SERPINB3: variants seen among roughly 807,000 people sequenced by gnomAD.
The protein encoded by SERPINB3 is serpin B3.
In SERPINB3, 33 loss-of-function variants were observed where a neutral mutation model predicts 33.0. That is an observed-to-expected ratio of 1.00 (90% confidence interval 0.76 to 1.34). The LOEUF (loss-of-function observed/expected upper bound fraction) is 1.34, where lower values mean the gene tolerates loss of function less well. Among genes scored for constraint, SERPINB3 ranks in the 40% most tolerant of loss-of-function variants. The pLI is 0.00. For synonymous variants in SERPINB3, 200 were observed against 170.9 expected (o/e 1.17, Z -1.33); for missense variants, 518 against 461.5 (o/e 1.12, Z -1.12).
In SERPINB3 at chr18:63,655,769, G is replaced by A; in HGVS notation, c.1061C>T (p.Ser354Leu). Residue 354 changes from serine to leucine, a missense_variant, in exon 8 of 8, where the codon TCA (serine) becomes TTA (leucine). By Grantham distance (145) the Ser-to-Leu change is moderately radical. Coordinates refer to ENST00000283752, the MANE Select transcript of SERPINB3 (RefSeq NM_006919.3). Reference sequence around the variant, plus strand: ...CTCTTCATTAGTTGAAGTAGGTGATGATCCGAATCCTACTACAGCGGTGGC... The same window carrying A: ...CTCTTCATTAGTTGAAGTAGGTGATAATCCGAATCCTACTACAGCGGTGGC... Reference protein sequence around the residue: ...AAATAVVGFGSSPTSTNEEFH... With the variant: ...AAATAVVGFGLSPTSTNEEFH... 6.2e-7 allele frequency: 1 copy of A among 1,611,874 alleles called. No individual in the cohort carries two copies. Among genetic ancestry groups the A allele is most frequent in the South Asian group, 1.1e-5 (1 of 91,076 alleles).
rs1913633387 is a variant in SERPINB3 at position 63,661,124 on chromosome 18, AGG to A, written c.91_92del (p.Pro31TyrfsTer23). On this transcript the variant is annotated frameshift_variant, in exon 2 of 8. Transcript: ENST00000283752. LOFTEE classifies it high-confidence loss of function. Reference sequence around the variant, plus strand: ...TCCCTAATGCTGATGTGATGCTGATAGGGGAATAGAAGATGTTGTTCTCTTTT... The same window carrying A: ...TCCCTAATGCTGATGTGATGCTGATAGGAATAGAAGATGTTGTTCTCTTTT... ...KSKENNIFYSPISITSALGMV... is the reference protein window; with the variant it reads ...KSKENNIFYSXISITSALGMV... 1 of 1,613,692 alleles carries A rather than the reference AGG, an allele frequency of 6.2e-7. No homozygotes were observed. The highest frequency in any genetic ancestry group is 1.3e-5 in the African/African-American group (1 of 75,018).
chr18:63,660,555 G>A (rs1913614185), intron 3 of SERPINB3, among the ~76,000 whole-genome samples: 1 of 152,126 alleles, frequency 6.6e-6, no homozygotes, highest in Non-Finnish European at 1.5e-5. Flanking sequence ...CAAAGCTGGA[G>A]TCTGAACCTA....
intron 5 of SERPINB3, among the ~76,000 whole-genome samples, chr18:63,658,049 T>G (rs1286981532): frequency 6.6e-6 from 1 of 152,054 alleles, no homozygotes; most frequent in Non-Finnish European, 1.5e-5. Flanking sequence ...CCTGCAGAAC[T>G]TGTGGCTAGA....
chr18:63,659,384 G>C lies in SERPINB3; in HGVS notation c.351+15C>G. 1 of 1,474,028 alleles carries C rather than the reference G, an allele frequency of 6.8e-7. No individual in the cohort carries two copies. Among genetic ancestry groups the C allele is most frequent in the Non-Finnish European group, 8.9e-7 (1 of 1,117,612 alleles). The allele number at this position is 1,474,028 out of a possible 1,614,324, so 91.3% of individuals were successfully genotyped here. A position where few individuals can be genotyped will look rare whatever the true frequency, so the allele number is the denominator to read the frequency against. On this transcript the variant is annotated intron_variant, in intron 4 of 7. Transcript: ENST00000283752. ...CAGGATGCAAATGAAATGTGGGTAG[G>C]CCAGGTGAAATTACCTGTAAAAATA... is the stretch of plus-strand genomic sequence containing the variant.
At chr18:63,659,343 T>G in intron 4 of SERPINB3, 56 bp downstream of exon 4, 1 of 1,585,240 alleles carries the variant, frequency 6.3e-7, no homozygotes, top group Non-Finnish European at 8.7e-7. Context: ...ATTTGGCCAC[T>G]CAGAGACACA....
rs375483524 is a variant in SERPINB3, at chr18:63,659,557, A to T, written c.223-30T>A. On this transcript the variant is annotated intron_variant, in intron 3 of 7. Transcript: ENST00000283752. ...AAACATCAAAAAAGGAGATCATTCA[A>T]TTGCTGTATCAATGTAAATACTAAA... 188 of 1,613,080 alleles carry T rather than the reference A, an allele frequency of 1.2e-4. 1 individual carries two copies. Among genetic ancestry groups the T allele is most frequent in the Non-Finnish European group, 1.6e-4 (185 of 1,179,460 alleles).
rs1383083120 is a variant in SERPINB3 at position 63,661,036 on chromosome 18, T to C, written c.165+16A>G. On this transcript the variant is annotated intron_variant, in intron 2 of 7. Coordinates refer to ENST00000283752, the MANE Select transcript of SERPINB3 (RefSeq NM_006919.3). The stretch of plus-strand genomic sequence containing the variant: ...GAAAAACTGCAACAGGACAACATAA[T>C]GATGCTGATAGCTACCTTCTTAATC... The C allele has an allele frequency of 1.9e-6, 3 of 1,613,282 alleles. No homozygotes were observed. The highest frequency in any genetic ancestry group is 8.5e-7 in the Non-Finnish European group (1 of 1,179,588).
In SERPINB3 at chr18:63,661,135, A is replaced by C; in HGVS notation, c.82T>G (p.Phe28Val). 6.2e-7 allele frequency: 1 copy of C among 1,613,694 alleles called. No individual in the cohort carries two copies. The highest frequency in any genetic ancestry group is 1.1e-5 in the South Asian group (1 of 91,074). The change falls in exon 2 of 8, where the codon TTC becomes GTC. Residue 28 changes from phenylalanine to valine, a missense_variant. Phe to Val is a conservative substitution (Grantham distance 50). Transcript: ENST00000283752. ...GATGTGATGCTGATAGGGGAATAGAAGATGTTGTTCTCTTTTGATTTTCTG... is the reference window on the plus strand; with the variant it reads ...GATGTGATGCTGATAGGGGAATAGACGATGTTGTTCTCTTTTGATTTTCTG... ...QFRKSKENNI[F>V]YSPISITSAL...
chr18:63,658,743 C>T (rs1290664219), intron 4 of SERPINB3, 113 bp from the exon 5 acceptor site: 23 of 777,862 alleles, frequency 3.0e-5, no homozygotes, highest in Middle Eastern at 3.0e-4. Context: ...TGAATAGATG[C>T]AGTATCTCCT....
rs1598936980 is a variant in SERPINB3, at chr18:63,656,927, C to G, written c.672G>C (p.Leu224=). 6.2e-7 allele frequency: 1 copy of G among 1,613,356 alleles called. No homozygotes were observed. Among genetic ancestry groups the G allele is most frequent in the African/African-American group, 1.3e-5 (1 of 75,024 alleles). ...RQYTSFHFAS[L]EDVQAKVLEI... ...CCAGGACCTTGGCCTGTACATCCTC[C>G]AGCGAGGCAAAATGAAAAGATGTGT... is the stretch of plus-strand genomic sequence containing the variant. The change falls in exon 7 of 8, where the codon CTG becomes CTC. Residue 224 remains leucine (L), a synonymous_variant. Coordinates refer to ENST00000283752, the MANE Select transcript of SERPINB3 (RefSeq NM_006919.3).
chr18:63,659,627 C>T (rs937845351), intron 3 of SERPINB3, 100 bp from the exon 4 acceptor site: 69 of 1,504,446 alleles, frequency 4.6e-5, no homozygotes, highest in Non-Finnish European at 6.3e-5. Flanking sequence ...CTGGTAGTCT[C>T]AATGAGGACC....
rs1354170873 is a variant in SERPINB3, at chr18:63,661,840, T to C, written c.-27+6A>G. The stretch of plus-strand genomic sequence containing the variant: ...TTATTAAGCTGGAGAGGCTTGAAGC[T>C]CTTACCTGTGTTCCTAGAGGAAGCA... On this transcript the variant is annotated splice_donor_region_variant and intron_variant, in intron 1 of 7. Coordinates refer to ENST00000283752, the MANE Select transcript of SERPINB3 (RefSeq NM_006919.3). The C allele has an allele frequency of 6.6e-6, 1 of 152,592 alleles. No individual in the cohort carries two copies. Among genetic ancestry groups the C allele is most frequent in the Non-Finnish European group, 1.5e-5 (1 of 68,160 alleles). The allele number at this position is 152,592 out of a possible 1,614,324, so 9.5% of individuals were successfully genotyped here.
At chr18:63,660,603 G>A (rs1913615745) in intron 3 of SERPINB3, 197 bp downstream of exon 3, 1 of 668,480 alleles carries the variant, frequency 1.5e-6, no homozygotes, top group South Asian at 1.9e-5. Flanking sequence ...GAGGTACAGT[G>A]CTGACTGTCT....
chr18:63,660,096 A>G (rs1403683193), intron 3 of SERPINB3, among the ~76,000 whole-genome samples: 1 of 152,156 alleles, frequency 6.6e-6, no homozygotes, highest in African/African-American at 2.4e-5. Flanking sequence ...AGTTCAATTC[A>G]GGTGAAAACA....
intron 2 of SERPINB3, 83 bp downstream of exon 2, chr18:63,660,969 A>G: frequency 6.2e-7 from 1 of 1,609,236 alleles, no homozygotes; most frequent in Admixed American, 1.7e-5. Flanking sequence ...CCATCAGACC[A>G]CCACATCTAT....
rs201726652 is a variant in SERPINB3 at position 63,656,793 on chromosome 18, A to C, written c.768+38T>G. 1.1e-5 allele frequency: 17 copies of C among 1,544,868 alleles called. No individual in the cohort carries two copies. The East Asian group carries it at 3.0e-4, about 27-fold the overall frequency. On this transcript the variant is annotated intron_variant, in intron 7 of 7. Transcript: ENST00000283752. ...AACTTGGTATCTTTGGAAAAATGTC[A>C]GGCAGTAGAAGGAAGAGTTGTAGAT... is the stretch of plus-strand genomic sequence containing the variant.
At position 63,655,455 on chromosome 18, in the gene SERPINB3, A is replaced by C. The variant is rs1214986778; in HGVS notation, c.*202T>G. On this transcript the variant is annotated 3_prime_UTR_variant, in exon 8 of 8. Coordinates refer to ENST00000283752, the MANE Select transcript of SERPINB3 (RefSeq NM_006919.3). The stretch of plus-strand genomic sequence containing the variant: ...CTCAAGGAGAATTTTTCTGGAAGAA[A>C]AAGTACATTTATATGTGGGCTTATT... 3.6e-6 allele frequency: 2 copies of C among 548,412 alleles called. No homozygotes were observed. Among genetic ancestry groups the C allele is most frequent in the Non-Finnish European group, 6.0e-6 (2 of 331,450 alleles). The allele number at this position is 548,412 out of a possible 1,614,324, so 34.0% of individuals were successfully genotyped here.
Position 63,655,791 on chromosome 18 carries a change from T to G in SERPINB3, c.1039A>C (p.Thr347Pro). 1 of 1,613,540 alleles carries G rather than the reference T, an allele frequency of 6.2e-7. No individual in the cohort carries two copies. The highest frequency in any genetic ancestry group is 8.5e-7 in the Non-Finnish European group (1 of 1,179,946). The stretch of plus-strand genomic sequence containing the variant: ...GATGATCCGAATCCTACTACAGCGG[T>G]GGCAGCTGCAGCTTCTGCTCCCTCC... ...TEEGAEAAAA[T>P]AVVGFGSSPT... Residue 347 changes from threonine (T) to proline (P), a missense_variant, in exon 8 of 8, where the codon ACC (threonine) becomes CCC (proline). Physicochemically the swap from Thr to Pro is conservative, Grantham distance 38. Transcript: ENST00000283752.
chr18:63,659,399 C>G lies in SERPINB3; in HGVS notation c.351G>C (p.Gln117His), dbSNP rs1426737256. 6.2e-7 allele frequency: 1 copy of G among 1,613,268 alleles called. No homozygotes were observed. The highest frequency in any genetic ancestry group is 1.7e-5 in the Admixed American group (1 of 59,940). The change falls in exon 4 of 8, where the codon CAG (glutamine) becomes CAC (histidine). Residue 117 changes from glutamine to histidine, a missense_variant and splice_region_variant. Gln to His is a conservative substitution (Grantham distance 24, BLOSUM62 0). Transcript: ENST00000283752. ...ATGTGGGTAGGCCAGGTGAAATTAC[C>G]TGTAAAAATAGATACGTTTTTTCTC... is the stretch of plus-strand genomic sequence containing the variant. ...LFGEKTYLFL[Q>H]EYLDAIKKFY... is the part of the protein sequence containing the mutation.
Sources: allele counts gnomAD v4.1 joint callset (sites outside exome capture counted in the v4.1 genomes callset), GRCh38; gene constraint gnomAD v4.1.1; transcripts MANE v1.5; gene names NCBI Gene and HGNC (gene_info 2026-07-23, HGNC 2026-07-21).